PRKAR2A: variants seen among roughly 807,000 people sequenced by gnomAD.
PRKAR2A encodes the protein cAMP-dependent protein kinase type II-alpha regulatory subunit.
In PRKAR2A, 29 loss-of-function variants were observed where a neutral mutation model predicts 51.9. That is an observed-to-expected ratio of 0.56 (90% CI 0.42 to 0.76). The LOEUF (loss-of-function observed/expected upper bound fraction) is 0.76. Among genes scored for constraint, PRKAR2A ranks in the 30% least tolerant of loss-of-function variants. The pLI is 0.00. For synonymous variants in PRKAR2A, 178 were observed against 186.2 expected (o/e 0.96, Z 0.36); for missense variants, 445 against 512.1 (o/e 0.87, Z 1.26).
At chr3:48,825,432 G>A (rs1220344935) in intron 1 of PRKAR2A, among the ~76,000 whole-genome samples, 1 of 152,274 alleles carries the variant, frequency 6.6e-6, no homozygotes, top group Admixed American at 6.5e-5. Flanking sequence ...TAGGGATGGA[G>A]ACTTTCCTGC....
Position 48,751,375 on chromosome 3 carries a change from G to T in PRKAR2A, c.*210C>A. 1 of 719,920 alleles carries T rather than the reference G, an allele frequency of 1.4e-6. No homozygotes were observed. The highest frequency in any genetic ancestry group is 2.8e-5 in the East Asian group (1 of 36,090). The allele number at this position is 719,920 out of a possible 1,614,324, so 44.6% of individuals were successfully genotyped here. A position where few individuals can be genotyped will look rare whatever the true frequency, so the allele number is the denominator to read the frequency against. The stretch of plus-strand genomic sequence containing the variant: ...ATCTTTACAAGTGGTCTAATGAATG[G>T]GCCTTCAGAAGCAAAGTGGAGGTGT... On this transcript the variant is annotated 3_prime_UTR_variant, in exon 11 of 11. Coordinates refer to ENST00000265563, the MANE Select transcript of PRKAR2A (RefSeq NM_004157.4).
chr3:48,801,883 G>A (rs2082596445), intron 2 of PRKAR2A, among the ~76,000 whole-genome samples: 2 of 151,898 alleles, frequency 1.3e-5, no homozygotes, highest in South Asian at 4.2e-4. Flanking sequence ...ATACAGGCAT[G>A]TGCCAGCTAA....
At position 48,757,370 on chromosome 3, in the gene PRKAR2A, T is replaced by C. The variant is rs1382545083; in HGVS notation, c.874-926A>G. 4.6e-5 allele frequency among the ~76,000 whole-genome samples: 7 copies of C among 152,288 alleles called. No individual in the cohort carries two copies. The East Asian group carries it at 7.7e-4, about 17-fold the overall frequency. On this transcript the variant is annotated intron_variant, in intron 8 of 10. Transcript: ENST00000265563. The stretch of plus-strand genomic sequence containing the variant: ...ACCTCCTAGATCAAAATAGAAAATA[T>C]ATCCGTTCTTCAAAAGGCTCCCTCC...
chr3:48,841,461 C>T (rs2107467307), intron 1 of PRKAR2A, among the ~76,000 whole-genome samples: 1 of 143,674 alleles, frequency 7.0e-6, no homozygotes, highest in East Asian at 2.1e-4. Flanking sequence ...GGGAGAATTG[C>T]TTGAACCAGA....
intron 1 of PRKAR2A, among the ~76,000 whole-genome samples, chr3:48,835,564 C>T (rs989149120): frequency 4.1e-5 from 6 of 147,740 alleles, no homozygotes; most frequent in South Asian, 2.2e-4. Flanking sequence ...TGGTGTGACC[C>T]AGGAGGCAGA....
rs749293526 is a variant in PRKAR2A, at chr3:48,752,146, G to T, written c.1081+30C>A. 3 of 1,592,106 alleles carry T rather than the reference G, an allele frequency of 1.9e-6. No individual in the cohort carries two copies. In the South Asian group the frequency reaches 3.4e-5, roughly 18 times the overall value. ...AAAAAAATATTACATGTTAGAAAAA[G>T]AATATTAATGCATAAAGAACTTTTC... On this transcript the variant is annotated intron_variant, in intron 10 of 10. Coordinates refer to ENST00000265563, the MANE Select transcript of PRKAR2A (RefSeq NM_004157.4).
intron 2 of PRKAR2A, among the ~76,000 whole-genome samples, chr3:48,794,481 G>C (rs2082456872): frequency 6.6e-6 from 1 of 151,952 alleles, no homozygotes; most frequent in Non-Finnish European, 1.5e-5. Flanking sequence ...TGGATCATGA[G>C]GTCAAGAGAT....
At chr3:48,802,787 T>C (rs969650061) in intron 2 of PRKAR2A, among the ~76,000 whole-genome samples, 8 of 152,156 alleles carry the variant, frequency 5.3e-5, no homozygotes, top group African/African-American at 1.7e-4. Context: ...GAGAAAAAGG[T>C]TGGAGAGACA....
intron 5 of PRKAR2A, among the ~76,000 whole-genome samples, chr3:48,781,990 ATTACT>A (rs2082204612): frequency 1.3e-5 from 2 of 152,230 alleles, no homozygotes; most frequent in African/African-American, 4.8e-5. Context: ...TAACTCTGAA[ATTACT>A]TTAAGATAAA....
chr3:48,782,956 G>T, intron 5 of PRKAR2A, 30 bp downstream of exon 5: 2 of 1,428,474 alleles, frequency 1.4e-6, no homozygotes, highest in Non-Finnish European at 2.0e-6. Context: ...ATTAAGTGTG[G>T]CCACACAATT....
chr3:48,794,542 A>G (rs1402569105), intron 2 of PRKAR2A, among the ~76,000 whole-genome samples: 1 of 151,970 alleles, frequency 6.6e-6, no homozygotes, highest in Non-Finnish European at 1.5e-5. Context: ...TAAAAATACA[A>G]AAATTAGCTG....
rs1278143161 is a variant in PRKAR2A, at chr3:48,752,321, C to T, written c.940-4G>A. On this transcript the variant is annotated splice_region_variant and splice_polypyrimidine_tract_variant and intron_variant, in intron 9 of 10. Transcript: ENST00000265563. ...CACCATCCTTGTTTGATTTAGTCTA[C>T]AGCAGGCAAAGAACATGACCTAGGC... The T allele has an allele frequency of 6.2e-6, 10 of 1,612,954 alleles. No homozygotes were observed. Among genetic ancestry groups the T allele is most frequent in the African/African-American group, 4.0e-5 (3 of 74,884 alleles).
At position 48,770,788 on chromosome 3, in the gene PRKAR2A, C is replaced by T. The variant is rs376892952; in HGVS notation, c.696+2167G>A. Among the ~76,000 whole-genome samples, 20 of 152,280 alleles carry T rather than the reference C, an allele frequency of 1.3e-4. No homozygotes were observed. In the East Asian group the frequency reaches 2.5e-3, roughly 19 times the overall value. On this transcript the variant is annotated intron_variant, in intron 6 of 10. Coordinates refer to ENST00000265563, the MANE Select transcript of PRKAR2A (RefSeq NM_004157.4). The stretch of plus-strand genomic sequence containing the variant: ...GCTTGTGCCATCATTCTGTGAACAC[C>T]CACCTTGTACCAGGCACTAAGGGAG...
chr3:48,836,148 G>A (rs1007688237), intron 1 of PRKAR2A, among the ~76,000 whole-genome samples: 1 of 151,824 alleles, frequency 6.6e-6, no homozygotes, highest in African/African-American at 2.4e-5. Flanking sequence ...GGCCAGGCAC[G>A]GTGGCTCATG....
intron 5 of PRKAR2A, among the ~76,000 whole-genome samples, chr3:48,781,685 G>C (rs561668241): frequency 6.6e-6 from 1 of 152,020 alleles, no homozygotes; most frequent in Non-Finnish European, 1.5e-5. Flanking sequence ...GATAATTTTT[G>C]TATTTTTAGT....
Position 48,747,067 on chromosome 3 carries a change from T to C in PRKAR2A, c.*4518A>G, listed in dbSNP as rs969674928. 1 of 98,464 alleles carries C rather than the reference T, an allele frequency of 1.0e-5. No homozygotes were observed. The highest frequency in any genetic ancestry group is 3.7e-5 in the African/African-American group (1 of 26,740). The allele number at this position is 98,464 out of a possible 1,614,324, so 6.1% of individuals were successfully genotyped here. A position where few individuals can be genotyped will look rare whatever the true frequency, so the allele number is the denominator to read the frequency against. On this transcript the variant is annotated 3_prime_UTR_variant, in exon 11 of 11. Coordinates refer to ENST00000265563, the MANE Select transcript of PRKAR2A (RefSeq NM_004157.4). Reference sequence around the variant, plus strand: ...TTTTTTTTTTTTTTTTTTTTTTTTTTAAAGTATAAAGATAGCCCTGCAGTG... The same window carrying C: ...TTTTTTTTTTTTTTTTTTTTTTTTTCAAAGTATAAAGATAGCCCTGCAGTG...
chr3:48,813,564 C>T (rs1176176611), intron 1 of PRKAR2A, among the ~76,000 whole-genome samples: 2 of 151,864 alleles, frequency 1.3e-5, no homozygotes, highest in Non-Finnish European at 2.9e-5. Context: ...CGTGGTGGCA[C>T]GCACCTGTAG....
intron 2 of PRKAR2A, among the ~76,000 whole-genome samples, chr3:48,798,139 G>C (rs1483620079): frequency 6.6e-6 from 1 of 152,054 alleles, no homozygotes; most frequent in African/African-American, 2.4e-5. Context: ...TTTTAGTAGG[G>C]ATGGAGTTTC....
At chr3:48,830,899 C>T (rs555247973) in intron 1 of PRKAR2A, among the ~76,000 whole-genome samples, 1 of 152,086 alleles carries the variant, frequency 6.6e-6, no homozygotes, top group Non-Finnish European at 1.5e-5. Context: ...CAACGGTTCA[C>T]GTTCCTATGA....
Sources: allele counts gnomAD v4.1 joint callset (sites outside exome capture counted in the v4.1 genomes callset), GRCh38; gene constraint gnomAD v4.1.1; transcripts MANE v1.5; gene names NCBI Gene and HGNC (gene_info 2026-07-23, HGNC 2026-07-21).